The following NOP9 variants were observed in gnomAD, a reference collection of about 807,000 sequenced individuals.
NOP9 encodes the protein nucleolar protein 9.
In NOP9, 50 loss-of-function variants were observed where a neutral mutation model predicts 63.0. That is an observed-to-expected ratio of 0.79 (90% CI 0.63 to 1.00). The LOEUF (loss-of-function observed/expected upper bound fraction) is 1.00, where lower values mean the gene tolerates loss of function less well. Among genes scored for constraint, NOP9 ranks in the 50% least tolerant of loss-of-function variants. The pLI is 0.00. For synonymous variants in NOP9, 343 were observed against 332.8 expected (o/e 1.03, Z -0.33); for missense variants, 758 against 803.0 (o/e 0.94, Z 0.68).
rs1349117997 is a variant in NOP9 at position 24,307,842 on chromosome 14, G to A, written c.*2747G>A. 7 of 1,595,308 alleles carry A rather than the reference G, an allele frequency of 4.4e-6. No homozygotes were observed. The highest frequency in any genetic ancestry group is 5.1e-6 in the Non-Finnish European group (6 of 1,170,538). The stretch of plus-strand genomic sequence containing the variant: ...CCTGAGTAAGTCACTGGGGTTCAGA[G>A]CTGAGAGGTACTCCATGGTGGACCG... On this transcript the variant is annotated 3_prime_UTR_variant, in exon 10 of 10. Coordinates refer to ENST00000267425, the MANE Select transcript of NOP9 (RefSeq NM_174913.3).
Position 24,303,873 on chromosome 14 carries a change from G to A in NOP9, c.1410+16G>A. 3 of 1,612,164 alleles carry A rather than the reference G, an allele frequency of 1.9e-6. No homozygotes were observed. Among genetic ancestry groups the A allele is most frequent in the South Asian group, 2.2e-5 (2 of 91,036 alleles). On this transcript the variant is annotated intron_variant, in intron 7 of 9. Coordinates refer to ENST00000267425, the MANE Select transcript of NOP9 (RefSeq NM_174913.3). ...AGAGCACCAGGTGAGGTAGGGGAGA[G>A]GCCAAGCCAGTGACTAATTGGGAGT...
rs1311520139 is a variant in NOP9, at chr14:24,307,851, T to TAC, written c.*2757_*2758dup. 3.8e-6 allele frequency: 6 copies of TAC among 1,592,914 alleles called. No individual in the cohort carries two copies. The highest frequency in any genetic ancestry group is 5.1e-6 in the Non-Finnish European group (6 of 1,169,316). On this transcript the variant is annotated 3_prime_UTR_variant, in exon 10 of 10. Coordinates refer to ENST00000267425, the MANE Select transcript of NOP9 (RefSeq NM_174913.3). ...GTCACTGGGGTTCAGAGCTGAGAGG[T>TAC]ACTCCATGGTGGACCGGAGAGTTCC...
At chr14:24,297,062 T>C (rs1417193221), upstream of NOP9, among the ~76,000 whole-genome samples, 3 of 152,234 alleles carry the variant, frequency 2.0e-5, no homozygotes, top group African/African-American at 2.4e-5. Flanking sequence ...TCAGGAATGA[T>C]AGGCCTCCCC....
chr14:24,301,208 A>AT (rs977985600), intron 2 of NOP9, among the ~76,000 whole-genome samples: 4 of 151,526 alleles, frequency 2.6e-5, no homozygotes, highest in East Asian at 1.9e-4. Flanking sequence ...CCACTCTGTT[A>AT]TTTTTTTTTC....
the NOP9 span, among the ~76,000 whole-genome samples, chr14:24,275,615 C>A: frequency 6.6e-6 from 1 of 152,214 alleles, no homozygotes; most frequent in Non-Finnish European, 1.5e-5. Flanking sequence ...GGACCCTGAG[C>A]CCGTCACAGA....
chr14:24,296,535 C>A (rs1566404686), upstream of NOP9: 3 of 1,614,010 alleles, frequency 1.9e-6, no homozygotes, highest in Non-Finnish European at 2.5e-6. Flanking sequence ...TGATATCATC[C>A]CACATGGAGG....
At chr14:24,290,285 C>A in the NOP9 span, among the ~76,000 whole-genome samples, 2 of 152,224 alleles carry the variant, frequency 1.3e-5, no homozygotes, top group African/African-American at 4.8e-5. Context: ...AAGGAATCTG[C>A]CTTTGCTGGA....
the NOP9 span, among the ~76,000 whole-genome samples, chr14:24,286,795 T>G: frequency 3.3e-5 from 5 of 151,740 alleles, no homozygotes; most frequent in Non-Finnish European, 5.9e-5. Flanking sequence ...GGTTTCACCA[T>G]GTTAGCCAGG....
chr14:24,306,099 G>A lies in NOP9; in HGVS notation c.*1004G>A. 6.2e-7 allele frequency: 1 copy of A among 1,614,062 alleles called. No individual in the cohort carries two copies. The highest frequency in any genetic ancestry group is 8.5e-7 in the Non-Finnish European group (1 of 1,179,996). On this transcript the variant is annotated 3_prime_UTR_variant, in exon 10 of 10. Coordinates refer to ENST00000267425, the MANE Select transcript of NOP9 (RefSeq NM_174913.3). Reference sequence around the variant, plus strand: ...ATCGGGCGATGTCCTTGCTGTGCTTGGGCCTCTCCCGTCCCAGGCCATATG... The same window carrying A: ...ATCGGGCGATGTCCTTGCTGTGCTTAGGCCTCTCCCGTCCCAGGCCATATG...
chr14:24,298,814 G>T, upstream of NOP9: 2 of 1,072,848 alleles, frequency 1.9e-6, no homozygotes, highest in African/African-American at 1.6e-5. Flanking sequence ...TATTTACGGG[G>T]TTTTTAATTT....
chr14:24,302,389 C>G lies in NOP9; in HGVS notation c.1108C>G (p.Gln370Glu). The change falls in exon 5 of 10, where the codon CAG (glutamine) becomes GAG (glutamate). Residue 370 changes from glutamine (Q) to glutamate (E), a missense_variant. By Grantham distance (29) the Gln-to-Glu change is conservative. Transcript: ENST00000267425. ...ACATCCCATTGCCAACTTCCCTTTG[C>G]AGCGCTTACTGGATGCAGTCACTAC... The part of the protein sequence containing the change: ...AAHPIANFPL[Q>E]RLLDAVTTPE... 6.2e-7 allele frequency: 1 copy of G among 1,613,642 alleles called. No homozygotes were observed. The highest frequency in any genetic ancestry group is 8.5e-7 in the Non-Finnish European group (1 of 1,179,700).
Position 24,304,928 on chromosome 14 carries a change from C to T in NOP9, c.1754-10C>T, listed in dbSNP as rs980592366. ...ATGGTAGTACTAAACATGAGTGGTT[C>T]CCTTTGCAGGGGAGCAGAACCAGGA... On this transcript the variant is annotated splice_polypyrimidine_tract_variant and intron_variant, in intron 9 of 9. Coordinates refer to ENST00000267425, the MANE Select transcript of NOP9 (RefSeq NM_174913.3). 6.6e-7 allele frequency: 1 copy of T among 1,515,016 alleles called. No homozygotes were observed. The highest frequency in any genetic ancestry group is 8.8e-7 in the Non-Finnish European group (1 of 1,133,252). The allele number at this position is 1,515,016 out of a possible 1,614,324, so 93.8% of individuals were successfully genotyped here.
Position 24,307,747 on chromosome 14 carries a change from G to T in NOP9, c.*2652G>T. The T allele has an allele frequency of 6.8e-7, 1 of 1,477,762 alleles. No individual in the cohort carries two copies. Among genetic ancestry groups the T allele is most frequent in the Non-Finnish European group, 9.3e-7 (1 of 1,076,930 alleles). The allele number at this position is 1,477,762 out of a possible 1,614,324, so 91.5% of individuals were successfully genotyped here. A position where few individuals can be genotyped will look rare whatever the true frequency, so the allele number is the denominator to read the frequency against. ...AGGGGTACTGGTTAGTCTCCTAGGGGCTGAGTGGAGTATTGTTGCCCTGCC... is the reference window on the plus strand; with the variant it reads ...AGGGGTACTGGTTAGTCTCCTAGGGTCTGAGTGGAGTATTGTTGCCCTGCC... On this transcript the variant is annotated 3_prime_UTR_variant, in exon 10 of 10. Transcript: ENST00000267425.
At position 24,307,511 on chromosome 14, in the gene NOP9, C is replaced by T. The variant is rs1366603021; in HGVS notation, c.*2416C>T. ...CCAAACTCCGAGCTTATATTAGATA[C>T]TGACCTGGTAGTTGAGAAGAAAAGT... is the stretch of plus-strand genomic sequence containing the variant. On this transcript the variant is annotated 3_prime_UTR_variant, in exon 10 of 10. Transcript: ENST00000267425. The T allele has an allele frequency of 6.2e-7, 1 of 1,613,054 alleles. No individual in the cohort carries two copies. The highest frequency in any genetic ancestry group is 1.7e-5 in the Admixed American group (1 of 59,868).
the NOP9 span, among the ~76,000 whole-genome samples, chr14:24,288,482 T>C: frequency 6.6e-6 from 1 of 152,070 alleles, no homozygotes; most frequent in African/African-American, 2.4e-5. Context: ...CCCGAGTAGC[T>C]GGGATTAGAG....
chr14:24,272,061 T>G, the NOP9 span, among the ~76,000 whole-genome samples: 1 of 152,152 alleles, frequency 6.6e-6, no homozygotes, highest in Non-Finnish European at 1.5e-5. Context: ...CCTCACCCCT[T>G]TTTCACTTCA....
chr14:24,286,080 C>A, the NOP9 span, among the ~76,000 whole-genome samples: 1 of 152,222 alleles, frequency 6.6e-6, no homozygotes, highest in African/African-American at 2.4e-5. Flanking sequence ...CAGCCAAGAA[C>A]CTTGACTTGC....
At chr14:24,281,563 C>G in the NOP9 span, among the ~76,000 whole-genome samples, 2 of 152,182 alleles carry the variant, frequency 1.3e-5, no homozygotes, top group African/African-American at 4.8e-5. Flanking sequence ...ATCTATGGCT[C>G]TAACACTAGT....
At position 24,305,938 on chromosome 14, in the gene NOP9, A is replaced by G; in HGVS notation, c.*843A>G. ...GGGGATGGGGCAGTATGACATGTTGATTTCTGACCTGAGTACTTTCTTTGG... is the reference window on the plus strand; with the variant it reads ...GGGGATGGGGCAGTATGACATGTTGGTTTCTGACCTGAGTACTTTCTTTGG... On this transcript the variant is annotated 3_prime_UTR_variant, in exon 10 of 10. Coordinates refer to ENST00000267425, the MANE Select transcript of NOP9 (RefSeq NM_174913.3). 6.2e-7 allele frequency: 1 copy of G among 1,611,212 alleles called. No individual in the cohort carries two copies. Among genetic ancestry groups the G allele is most frequent in the Non-Finnish European group, 8.5e-7 (1 of 1,178,242 alleles).
Sources: gnomAD v4.1 joint callset for allele counts (sites outside exome capture counted in the v4.1 genomes callset) on GRCh38, gnomAD v4.1.1 for gene constraint, MANE v1.5 for transcripts, NCBI Gene and HGNC (gene_info 2026-07-23, HGNC 2026-07-21) for gene names.